TEX9: variants seen among roughly 807,000 people sequenced by gnomAD.
TEX9 encodes testis expressed 9, also known as testis-expressed protein 9.
Under a neutral mutation model 59.6 loss-of-function variants are expected in TEX9, and 74 were observed. The ratio of observed to expected loss-of-function variants is 1.24; its 90% confidence interval spans 1.03 to 1.51. TEX9 has a LOEUF of 1.51. Among genes scored for constraint, TEX9 ranks in the 40% most tolerant of loss-of-function variants. TEX9 has a pLI of 0.00. For synonymous variants in TEX9, 186 were observed against 152.2 expected, an observed-to-expected ratio of 1.22 and a Z score of -1.64; for missense variants, 522 against 447.8, an observed-to-expected ratio of 1.17 and a Z score of -1.49.
intron 12 of TEX9, chr15:56,443,882 A>G: frequency 6.9e-7 from 1 of 1,448,558 alleles, no homozygotes. Context: ...GTACAGATTT[A>G]TAGTAAACAA....
intron 11 of TEX9, 62 bp from the exon 12 acceptor site, chr15:56,428,304 TC>T (rs1159419813): frequency 8.3e-7 from 1 of 1,204,934 alleles, no homozygotes; most frequent in African/African-American, 1.5e-5. Context: ...TTTACAAACT[TC>T]CTGTTGTTTG....
At chr15:56,315,990 T>G (rs2045748122) in intron 1 of TEX9, among the ~76,000 whole-genome samples, 1 of 151,644 alleles carries the variant, frequency 6.6e-6, no homozygotes, top group African/African-American at 2.4e-5. Flanking sequence ...GAGCCTTGGT[T>G]TTCAGCTCCA....
chr15:56,405,360 C>T (rs922135598), intron 9 of TEX9, among the ~76,000 whole-genome samples: 1 of 151,192 alleles, frequency 6.6e-6, no homozygotes, highest in African/African-American at 2.4e-5. Flanking sequence ...AGCAAATTAC[C>T]CAAGGTTATA....
At chr15:56,297,104 C>G (rs2718953) in intron 1 of TEX9, among the ~76,000 whole-genome samples, 86,076 of 151,870 alleles carry the variant, frequency 0.57, 24,768 homozygotes, top group East Asian at 0.88. Context: ...ATAATGTTTA[C>G]AAAAAATACT....
At chr15:56,460,009 A>AAAATATAT in the TEX9 span, among the ~76,000 whole-genome samples, 4 of 26,388 alleles carry the variant, frequency 1.5e-4, no homozygotes, top group Admixed American at 1.1e-3. Flanking sequence ...AAAAAAAAAA[A>AAAATATAT]ATACATATAT....
intron 3 of TEX9, among the ~76,000 whole-genome samples, chr15:56,380,995 C>T (rs2047700393): frequency 6.6e-6 from 1 of 152,098 alleles, no homozygotes; most frequent in African/African-American, 2.4e-5. Flanking sequence ...GATATTATCC[C>T]TTCGAATAAA....
At chr15:56,317,992 G>A (rs574175835) in intron 1 of TEX9, among the ~76,000 whole-genome samples, 8 of 152,046 alleles carry the variant, frequency 5.3e-5, no homozygotes, top group Non-Finnish European at 1.2e-4. Flanking sequence ...ATGTCTATTA[G>A]GTCTAGTTGG....
chr15:56,244,626 G>T (rs1700591329), intron 1 of TEX9, among the ~76,000 whole-genome samples: 1 of 59,360 alleles, frequency 1.7e-5, no homozygotes, highest in Non-Finnish European at 3.1e-5. Context: ...CCTTTATACC[G>T]CTCCCAATTC....
chr15:56,341,127 G>C (rs1039072602), intron 1 of TEX9, among the ~76,000 whole-genome samples: 2 of 152,104 alleles, frequency 1.3e-5, no homozygotes, highest in Non-Finnish European at 2.9e-5. Context: ...GAAGATGAGG[G>C]TTTCTTTAAT....
At chr15:56,317,929 A>C (rs1327151393) in intron 1 of TEX9, among the ~76,000 whole-genome samples, 3 of 152,152 alleles carry the variant, frequency 2.0e-5, no homozygotes, top group African/African-American at 7.2e-5. Flanking sequence ...AAAATATCTC[A>C]TGGGCACTTG....
At chr15:56,327,939 G>A (rs1159820403) in intron 1 of TEX9, among the ~76,000 whole-genome samples, 6 of 152,068 alleles carry the variant, frequency 3.9e-5, no homozygotes, top group South Asian at 2.1e-4. Flanking sequence ...TAGGCAAGTC[G>A]TAGTGCTGAA....
At chr15:56,374,582 A>G (rs774713442) in intron 3 of TEX9, 5 of 152,192 alleles carry the variant, frequency 3.3e-5, no homozygotes, top group African/African-American at 4.8e-5. Flanking sequence ...AAAATGTACA[A>G]TTAAATGATT....
chr15:56,362,497 C>A (rs1359672934), upstream of TEX9, among the ~76,000 whole-genome samples: 1 of 152,148 alleles, frequency 6.6e-6, no homozygotes, highest in Non-Finnish European at 1.5e-5. Flanking sequence ...GCATAGTGTT[C>A]CTTTCTTTAT....
intron 1 of TEX9, among the ~76,000 whole-genome samples, chr15:56,266,661 CT>C (rs762626527): frequency 2.2e-4 from 33 of 152,186 alleles, no homozygotes; most frequent in Non-Finnish European, 3.4e-4. Flanking sequence ...TGAAGTCATC[CT>C]TTTTTATGGT....
chr15:56,354,740 G>T lies in TEX9; in HGVS notation c.-106-18701G>T, dbSNP rs559601960. Among the ~76,000 whole-genome samples the T allele has an allele frequency of 8.5e-5, 13 of 152,252 alleles. 1 individual carries two copies. The South Asian group carries it at 2.5e-3, about 29-fold the overall frequency. ...TTGAACATTTACATCAAAACTTGTA[G>T]AATGGGTGTTACTTAGAGGCATGGA... is the stretch of plus-strand genomic sequence containing the variant. On this transcript the variant is annotated intron_variant, in intron 1 of 5. Transcript: ENST00000560827.
At chr15:56,431,234 G>C in intron 12 of TEX9, 2 of 887,550 alleles carry the variant, frequency 2.3e-6, no homozygotes, top group Non-Finnish European at 3.4e-6. Context: ...GAGGTTCAGT[G>C]CCTGGACAGG....
intron 9 of TEX9, chr15:56,410,083 T>C (rs914497514): frequency 6.6e-6 from 1 of 152,208 alleles, no homozygotes; most frequent in Admixed American, 6.5e-5. Context: ...AATAAATGTG[T>C]TGAATAAATG....
chr15:56,278,277 T>C (rs1319422283), intron 1 of TEX9, among the ~76,000 whole-genome samples: 2 of 152,186 alleles, frequency 1.3e-5, no homozygotes, highest in African/African-American at 2.4e-5. Context: ...ATGCCATATA[T>C]AGTGCATGAA....
intron 10 of TEX9, among the ~76,000 whole-genome samples, chr15:56,421,130 A>C (rs768714347): frequency 6.6e-6 from 1 of 151,864 alleles, no homozygotes; most frequent in Admixed American, 6.6e-5. Flanking sequence ...TCAATGATCA[A>C]GAGAGGGGTA....
Sources: allele counts gnomAD v4.1 joint callset (sites outside exome capture counted in the v4.1 genomes callset), GRCh38; gene constraint gnomAD v4.1.1; transcripts MANE v1.5; gene names NCBI Gene and HGNC (gene_info 2026-07-23, HGNC 2026-07-21).